Variants in NKIRAS1 observed in about 807,000 individuals in gnomAD.
NKIRAS1 encodes the protein NFKB inhibitor interacting Ras like 1, also known as NF-kappa-B inhibitor-interacting Ras-like protein 1.
A neutral mutation model predicts 19.8 loss-of-function variants in NKIRAS1; 16 were observed. The ratio of observed to expected loss-of-function variants is 0.81; its 90% CI spans 0.55 to 1.23. The LOEUF is 1.23. NKIRAS1 is among the 50% of genes most tolerant of loss of function. The pLI is 0.00. For missense variants in NKIRAS1, 184 were observed against 220.0 expected, an observed-to-expected ratio of 0.84 and a Z score of 1.04; for synonymous variants, 88 against 79.0, an observed-to-expected ratio of 1.11 and a Z score of -0.61.
intron 3 of NKIRAS1, among the ~76,000 whole-genome samples, chr3:23,907,579 G>A (rs1054412879): frequency 6.6e-6 from 1 of 152,192 alleles, no homozygotes; most frequent in African/African-American, 2.4e-5. Context: ...TATTTGTACT[G>A]ATGTTGCAAA....
At chr3:23,917,678 G>A (rs968748150), upstream of NKIRAS1, 14 of 620,920 alleles carry the variant, frequency 2.3e-5, no homozygotes, top group African/African-American at 2.4e-4. Flanking sequence ...GACTGAACGC[G>A]GCTCCGTGGG....
chr3:23,890,065 G>A lies in NKIRAS1; in HGVS notation c.*3030C>T, dbSNP rs548422705. On this transcript the variant is annotated 3_prime_UTR_variant, in exon 5 of 5. Coordinates refer to ENST00000425478, the MANE Select transcript of NKIRAS1 (RefSeq NM_020345.4). ...AACCTGGCTCTTTAACCAGCGTAAA[G>A]GTTAATAGTGTTGCACTGCAACAGC... Among the ~76,000 whole-genome samples the A allele has an allele frequency of 6.6e-6, 1 of 152,242 alleles. No homozygotes were observed. Among genetic ancestry groups the A allele is most frequent in the African/African-American group, 2.4e-5 (1 of 41,546 alleles).
intron 1 of NKIRAS1, among the ~76,000 whole-genome samples, chr3:23,912,231 G>C (rs1703817879): frequency 6.6e-6 from 1 of 152,110 alleles, no homozygotes; most frequent in Admixed American, 6.6e-5. Context: ...CACAGCAAAA[G>C]AAACTACCAT....
At chr3:23,896,494 TC>T (rs1208334298) in intron 4 of NKIRAS1, among the ~76,000 whole-genome samples, 6 of 151,904 alleles carry the variant, frequency 3.9e-5, no homozygotes, top group African/African-American at 1.5e-4. Flanking sequence ...ACGCCTGTAA[TC>T]CCAGCTACTC....
chr3:23,898,832 C>T (rs1025948832), intron 4 of NKIRAS1, among the ~76,000 whole-genome samples: 43 of 152,170 alleles, frequency 2.8e-4, no homozygotes, highest in Non-Finnish European at 8.8e-5. Context: ...GGCCACACAA[C>T]AGGAGGTGAG....
Position 23,892,764 on chromosome 3 carries a change from G to C in NKIRAS1, c.*331C>G, listed in dbSNP as rs1701566291. ...ATTATGATATCTTCCGAAACAGCTT[G>C]GGGTTGGGGGGAAGTTACACATAGG... On this transcript the variant is annotated 3_prime_UTR_variant, in exon 5 of 5. Coordinates refer to ENST00000425478, the MANE Select transcript of NKIRAS1 (RefSeq NM_020345.4). 1 of 171,106 alleles carries C rather than the reference G, an allele frequency of 5.8e-6. No individual in the cohort carries two copies. The highest frequency in any genetic ancestry group is 1.2e-5 in the Non-Finnish European group (1 of 80,798). The allele number at this position is 171,106 out of a possible 1,614,324, so 10.6% of individuals were successfully genotyped here.
upstream of NKIRAS1, chr3:23,920,981 A>T (rs1705047341): frequency 6.3e-6 from 1 of 158,322 alleles, no homozygotes; most frequent in Non-Finnish European, 1.4e-5. Context: ...AAATGTACTT[A>T]TTCTCTCAGT....
intron 3 of NKIRAS1, among the ~76,000 whole-genome samples, chr3:23,908,814 C>G (rs979410121): frequency 7.2e-5 from 11 of 151,900 alleles, no homozygotes; most frequent in Non-Finnish European, 1.3e-4. Context: ...CAGGCACATG[C>G]CACCATGCCC....
At chr3:23,917,821 G>T (rs1704735827), upstream of NKIRAS1, 3 of 1,578,562 alleles carry the variant, frequency 1.9e-6, no homozygotes, top group Admixed American at 1.8e-5. Flanking sequence ...TAAAGCGGAT[G>T]ATATTTAATA....
At position 23,893,163 on chromosome 3, in the gene NKIRAS1, G is replaced by A. The variant is rs758769690; in HGVS notation, c.511C>T (p.Pro171Ser). ...FTLLASKLSQ[P>S]QSKSSFPLPG... is the part of the protein sequence containing the mutation. ...AAAGGAAAGCTTGATTTGCTCTGGG[G>A]TTGAGAAAGTTTACTGGCTAATAAA... The change falls in exon 5 of 5, where the codon CCC becomes TCC. Residue 171 changes from proline to serine, a missense_variant. By Grantham distance (74) the Pro-to-Ser change is moderately conservative. Transcript: ENST00000425478. 28 of 1,611,132 alleles carry A rather than the reference G, an allele frequency of 1.7e-5. No homozygotes were observed. In the African/African-American group the frequency reaches 3.6e-4, roughly 21 times the overall value.
upstream of NKIRAS1, chr3:23,920,619 A>C (rs1168763669): frequency 1.0e-6 from 1 of 984,730 alleles, no homozygotes; most frequent in Non-Finnish European, 1.2e-6. Context: ...TTAAATTCTG[A>C]CTTTGCTGAC....
At chr3:23,913,616 G>C (rs1263820175) in intron 1 of NKIRAS1, among the ~76,000 whole-genome samples, 2 of 152,150 alleles carry the variant, frequency 1.3e-5, no homozygotes. Context: ...TTACAAATAA[G>C]TGGTTCTCAT....
At chr3:23,903,973 T>C (rs1438982511) in intron 3 of NKIRAS1, among the ~76,000 whole-genome samples, 1 of 152,118 alleles carries the variant, frequency 6.6e-6, no homozygotes, top group Non-Finnish European at 1.5e-5. Flanking sequence ...AAGACCAGCC[T>C]AGCCAACATG....
At chr3:23,945,098 AGAG>A (rs1388528089) in intron 1 of NKIRAS1, among the ~76,000 whole-genome samples, 1 of 148,048 alleles carries the variant, frequency 6.8e-6, no homozygotes, top group East Asian at 2.1e-4. Flanking sequence ...AAACGAAGGA[AGAG>A]GAGGGGCTCG....
At chr3:23,945,894 C>T (rs1705672633) in intron 1 of NKIRAS1, among the ~76,000 whole-genome samples, 1 of 150,204 alleles carries the variant, frequency 6.7e-6, no homozygotes, top group Non-Finnish European at 1.5e-5. Flanking sequence ...GGCGCGCGGG[C>T]GCCGGTTGGC....
At chr3:23,940,024 T>TAATATA (rs1209041029) in intron 1 of NKIRAS1, among the ~76,000 whole-genome samples, 84 of 152,162 alleles carry the variant, frequency 5.5e-4, no homozygotes, top group African/African-American at 1.9e-3. Flanking sequence ...TCATTTTAAC[T>TAATATA]AATTTAAATT....
intron 4 of NKIRAS1, among the ~76,000 whole-genome samples, chr3:23,893,850 T>TA (rs11381471): frequency 0.2 from 27,494 of 134,592 alleles, 2,561 homozygotes; most frequent in Non-Finnish European, 0.21. Flanking sequence ...TTGCTAACTG[T>TA]AAAAAAAAAA....
intron 1 of NKIRAS1, among the ~76,000 whole-genome samples, chr3:23,943,924 G>A (rs1705560216): frequency 6.6e-6 from 1 of 152,060 alleles, no homozygotes; most frequent in Non-Finnish European, 1.5e-5. Context: ...AGCCATTGGA[G>A]GGTTTTCAGC....
chr3:23,901,149 A>T, intron 3 of NKIRAS1, 100 bp from the exon 4 acceptor site: 3 of 1,210,580 alleles, frequency 2.5e-6, no homozygotes, highest in East Asian at 2.4e-5. Context: ...TTTCTTATTT[A>T]CCACATATAA....
Sources: gnomAD v4.1 joint callset for allele counts (sites outside exome capture counted in the v4.1 genomes callset) on GRCh38, gnomAD v4.1.1 for gene constraint, MANE v1.5 for transcripts, NCBI Gene and HGNC (gene_info 2026-07-23, HGNC 2026-07-21) for gene names.